RFX4: variants seen among roughly 807,000 people sequenced by gnomAD.
RFX4 encodes the protein regulatory factor X4, also known as transcription factor RFX4.
In RFX4, 10 loss-of-function variants were observed where a neutral mutation model predicts 95.0. That is an observed-to-expected ratio of 0.11 (90% CI 0.06 to 0.18). The LOEUF (loss-of-function observed/expected upper bound fraction) is 0.18. Among genes scored for constraint, RFX4 ranks in the 10% least tolerant of loss-of-function variants. The pLI is 1.00. For missense variants in RFX4, 640 were observed against 922.0 expected, an observed-to-expected ratio of 0.69 and a Z score of 3.96; for synonymous variants, 321 against 340.7, an observed-to-expected ratio of 0.94 and a Z score of 0.64.
chr12:106,696,197 A>G, intron 7 of RFX4, 86 bp from the exon 8 acceptor site: 1 of 1,480,934 alleles, frequency 6.8e-7, no homozygotes, highest in Non-Finnish European at 9.3e-7. Flanking sequence ...AGCATTGTAG[A>G]CTGGGTTGGC....
At chr12:106,671,221 C>A (rs969090879) in intron 4 of RFX4, among the ~76,000 whole-genome samples, 6 of 152,096 alleles carry the variant, frequency 3.9e-5, no homozygotes, top group Non-Finnish European at 7.4e-5. Context: ...TATTTTAGAT[C>A]ACTTCTTGTT....
At chr12:106,596,196 T>C (rs1490892907) in intron 1 of RFX4, among the ~76,000 whole-genome samples, 3 of 152,176 alleles carry the variant, frequency 2.0e-5, no homozygotes, top group African/African-American at 7.2e-5. Flanking sequence ...TGGTGGGAGA[T>C]GATTGAATCA....
intron 2 of RFX4, among the ~76,000 whole-genome samples, chr12:106,614,817 G>A (rs1335958147): frequency 5.3e-5 from 8 of 152,088 alleles, no homozygotes; most frequent in Non-Finnish European, 1.0e-4. Context: ...CCGCCTGTGT[G>A]TTTTTAAAAA....
chr12:106,750,572 A>C (rs924941486), intron 16 of RFX4, 83 bp from the exon 17 acceptor site: 1 of 1,296,552 alleles, frequency 7.7e-7, no homozygotes, highest in East Asian at 2.8e-5. Flanking sequence ...AAGGAAAAAA[A>C]ATAGATGAGG....
chr12:106,736,940 T>C (rs1388472369), intron 15 of RFX4, among the ~76,000 whole-genome samples: 1 of 151,990 alleles, frequency 6.6e-6, no homozygotes, highest in East Asian at 1.9e-4. Flanking sequence ...ACTGCCTCAC[T>C]CTAAAAGCCT....
At chr12:106,606,073 G>A (rs771233066) in intron 1 of RFX4, among the ~76,000 whole-genome samples, 4 of 152,168 alleles carry the variant, frequency 2.6e-5, no homozygotes, top group Non-Finnish European at 5.9e-5. Context: ...CTGGTTAATA[G>A]AACCAGCTTC....
chr12:106,684,890 G>A, intron 5 of RFX4: 1 of 1,612,744 alleles, frequency 6.2e-7, no homozygotes, highest in Non-Finnish European at 8.5e-7. Flanking sequence ...TGCCCACTAA[G>A]CAGAAATATC....
chr12:106,680,554 A>G (rs893552893), intron 4 of RFX4, among the ~76,000 whole-genome samples: 1 of 152,374 alleles, frequency 6.6e-6, no homozygotes, highest in African/African-American at 2.4e-5. Context: ...AGGGGTGAAT[A>G]GATGAATAGA....
chr12:106,628,068 A>C (rs536018034), intron 2 of RFX4, among the ~76,000 whole-genome samples: 1 of 152,250 alleles, frequency 6.6e-6, no homozygotes, highest in South Asian at 2.1e-4. Context: ...GCACGGCCCC[A>C]GTGTTTAGGC....
chr12:106,679,445 G>T (rs548155920), intron 4 of RFX4, among the ~76,000 whole-genome samples: 2 of 149,660 alleles, frequency 1.3e-5, no homozygotes, highest in African/African-American at 5.0e-5. Flanking sequence ...CAGAGTGGGG[G>T]CTCTGTCTCA....
chr12:106,655,652 T>C (rs964123502), intron 4 of RFX4, among the ~76,000 whole-genome samples: 3 of 152,192 alleles, frequency 2.0e-5, no homozygotes, highest in African/African-American at 4.8e-5. Flanking sequence ...AGATGAGGCC[T>C]CTTACATACA....
chr12:106,610,849 A>C (rs2039946179), intron 2 of RFX4, among the ~76,000 whole-genome samples: 1 of 152,172 alleles, frequency 6.6e-6, no homozygotes, highest in South Asian at 2.1e-4. Flanking sequence ...AAATTGTTGG[A>C]TCATATGGTA....
At chr12:106,738,445 G>A (rs1323973162) in intron 15 of RFX4, among the ~76,000 whole-genome samples, 1 of 152,150 alleles carries the variant, frequency 6.6e-6, no homozygotes, top group African/African-American at 2.4e-5. Context: ...GAAGCAATGT[G>A]GAGGCCTCAA....
At chr12:106,601,182 A>G in intron 1 of RFX4, 1 of 1,522,798 alleles carries the variant, frequency 6.6e-7, no homozygotes, top group Non-Finnish European at 8.8e-7. Flanking sequence ...TGGAGAGGCC[A>G]CAGCTGCTGG....
Position 106,735,711 on chromosome 12 carries a change from G to A in RFX4, c.1633+2626G>A, listed in dbSNP as rs148978452. 7.3e-5 allele frequency among the ~76,000 whole-genome samples: 11 copies of A among 151,076 alleles called. No individual in the cohort carries two copies. In the South Asian group the frequency reaches 1.0e-3, roughly 14 times the overall value. On this transcript the variant is annotated intron_variant, in intron 15 of 17. Transcript: ENST00000392842. The stretch of plus-strand genomic sequence containing the variant: ...ACACACATGTATTTTTTTTTCCCCC[G>A]TGAGGACATTTTATGTGCCAAGTCC...
intron 8 of RFX4, among the ~76,000 whole-genome samples, chr12:106,703,536 T>C (rs759170962): frequency 6.6e-6 from 1 of 152,244 alleles, no homozygotes; most frequent in Admixed American, 6.5e-5. Flanking sequence ...GAACGGAGGC[T>C]AAATCTCCAC....
intron 5 of RFX4, 79 bp downstream of exon 5, chr12:106,682,133 C>G: frequency 6.9e-7 from 1 of 1,444,562 alleles, no homozygotes; most frequent in Non-Finnish European, 9.7e-7. Context: ...GGCTCTTTAT[C>G]CTGAGCTCTG....
rs751413890 is a variant in RFX4 at position 106,686,948 on chromosome 12, A to C, written c.442A>C (p.Lys148Gln). 6.2e-7 allele frequency: 1 copy of C among 1,613,898 alleles called. No individual in the cohort carries two copies. Among genetic ancestry groups the C allele is most frequent in the Non-Finnish European group, 8.5e-7 (1 of 1,179,994 alleles). Residue 148 changes from lysine to glutamine, a missense_variant, in exon 6 of 18, where the codon AAA becomes CAA. Transcript: ENST00000392842. ...ATATTATGATGTGATGTATTCCAAG[A>C]AAGGAGCTGCCTGGGTGAGTGAGAC... ...SQYYDVMYSK[K>Q]GAAWVSETGK...
intron 2 of RFX4, among the ~76,000 whole-genome samples, chr12:106,620,941 T>A (rs1592859330): frequency 6.6e-6 from 1 of 152,172 alleles, no homozygotes; most frequent in East Asian, 1.9e-4. Context: ...TTATAGGCTC[T>A]CTGCAAGAAG....
Sources: gnomAD v4.1 joint callset for allele counts (sites outside exome capture counted in the v4.1 genomes callset) on GRCh38, gnomAD v4.1.1 for gene constraint, MANE v1.5 for transcripts, NCBI Gene and HGNC (gene_info 2026-07-23, HGNC 2026-07-21) for gene names.